Variants in IFTAP observed in about 807,000 individuals in gnomAD.
IFTAP encodes the protein intraflagellar transport-associated protein.
A neutral mutation model predicts 19.4 loss-of-function variants in IFTAP; 19 were observed. The observed-to-expected ratio is 0.98, with a 90% CI of 0.68 to 1.44. The LOEUF is 1.44. Among genes scored for constraint, IFTAP ranks in the 40% most tolerant of loss-of-function variants. IFTAP has a pLI of 0.00. For synonymous variants in IFTAP, 85 were observed against 83.5 expected, an observed-to-expected ratio of 1.02 and a Z score of -0.10; for missense variants, 240 against 253.6, an observed-to-expected ratio of 0.95 and a Z score of 0.36.
At chr11:36,644,877 A>C (rs998317570) in intron 4 of IFTAP, among the ~76,000 whole-genome samples, 1 of 150,926 alleles carries the variant, frequency 6.6e-6, no homozygotes, top group Non-Finnish European at 1.5e-5. Flanking sequence ...GAGGGATAGC[A>C]TTAGGAGATA....
chr11:36,625,662 T>C (rs1390074154), intron 2 of IFTAP, among the ~76,000 whole-genome samples: 1 of 152,204 alleles, frequency 6.6e-6, no homozygotes, highest in Admixed American at 6.5e-5. Context: ...GTGCTAAATG[T>C]TACTCACAGA....
At chr11:36,636,029 T>A in intron 3 of IFTAP, 22 bp from the exon 4 acceptor site, 1 of 1,544,410 alleles carries the variant, frequency 6.5e-7, no homozygotes, top group Non-Finnish European at 8.9e-7. Context: ...TGCTTAAAAA[T>A]TATGTTAATT....
intron 4 of IFTAP, among the ~76,000 whole-genome samples, chr11:36,644,676 A>T (rs1448047485): frequency 6.6e-6 from 1 of 152,142 alleles, no homozygotes; most frequent in Non-Finnish European, 1.5e-5. Context: ...GCCATAAAAA[A>T]GGATGAGTTC....
intron 4 of IFTAP, among the ~76,000 whole-genome samples, chr11:36,643,449 A>G (rs886912395): frequency 1.3e-5 from 2 of 152,224 alleles, no homozygotes; most frequent in African/African-American, 4.8e-5. Context: ...ATTCAATGCC[A>G]TCCCCATCAA....
intron 1 of IFTAP, among the ~76,000 whole-genome samples, chr11:36,608,624 CT>C (rs112438662): frequency 0.012 from 1,829 of 152,274 alleles, 32 homozygotes; most frequent in African/African-American, 0.041. Context: ...TGTGTCTTAG[CT>C]GACAGGTGTT....
chr11:36,643,707 A>G (rs1394405684), intron 4 of IFTAP, among the ~76,000 whole-genome samples: 2 of 152,210 alleles, frequency 1.3e-5, no homozygotes, highest in Admixed American at 6.5e-5. Context: ...ATCTACAACC[A>G]TCTGATCTTT....
Position 36,610,237 on chromosome 11 carries a change from A to G in IFTAP, c.134A>G (p.Gln45Arg). The G allele has an allele frequency of 1.2e-6, 2 of 1,604,042 alleles. No individual in the cohort carries two copies. Among genetic ancestry groups the G allele is most frequent in the Non-Finnish European group, 1.7e-6 (2 of 1,173,316 alleles). The change falls in exon 2 of 6, where the codon CAA becomes CGA. Residue 45 changes from glutamine (Q) to arginine (R), a missense_variant and splice_region_variant. Gln to Arg is a conservative substitution (Grantham distance 43, BLOSUM62 1). Transcript: ENST00000334307. ...CTGAACACTTTTACTCATCTTTCAC[A>G]AGGTAAAATGGAGAAGTAAACTTTC... ...EFLNTFTHLS[Q>R]EDHVSKRGVF...
At chr11:36,628,309 A>G (rs561906562) in intron 2 of IFTAP, among the ~76,000 whole-genome samples, 2 of 151,352 alleles carry the variant, frequency 1.3e-5, no homozygotes, top group South Asian at 2.1e-4. Context: ...GGCTTTGCTC[A>G]TGGAATTTTC....
intron 1 of IFTAP, among the ~76,000 whole-genome samples, chr11:36,596,444 AG>A (rs1851260114): frequency 6.6e-6 from 1 of 152,178 alleles, no homozygotes; most frequent in Non-Finnish European, 1.5e-5. Flanking sequence ...TTGTATATTC[AG>A]CAAACTGCCC....
Position 36,610,231 on chromosome 11 carries a change from T to G in IFTAP, c.128T>G (p.Leu43Arg). Residue 43 changes from leucine (L) to arginine (R), a missense_variant, in exon 2 of 6, where the codon CTT (leucine) becomes CGT (arginine). Leu to Arg is a moderately radical substitution (Grantham distance 102). Transcript: ENST00000334307. The stretch of plus-strand genomic sequence containing the variant: ...GAATTTCTGAACACTTTTACTCATC[T>G]TTCACAAGGTAAAATGGAGAAGTAA... ...DEEFLNTFTH[L>R]SQEDHVSKRG... The G allele has an allele frequency of 6.2e-7, 1 of 1,605,438 alleles. No homozygotes were observed. Among genetic ancestry groups the G allele is most frequent in the Non-Finnish European group, 8.5e-7 (1 of 1,173,872 alleles).
At chr11:36,610,060 T>C (rs773782641) in intron 1 of IFTAP, 21 bp from the exon 2 acceptor site, 19 of 1,601,620 alleles carry the variant, frequency 1.2e-5, no homozygotes, top group Non-Finnish European at 1.6e-5. Flanking sequence ...TCTCTCTAGC[T>C]GGTATTTTTC....
chr11:36,626,646 C>A (rs1347504628), intron 2 of IFTAP, among the ~76,000 whole-genome samples: 3 of 151,192 alleles, frequency 2.0e-5, no homozygotes, highest in Admixed American at 6.6e-5. Flanking sequence ...AAGCAATGAA[C>A]AATTTAGGAA....
intron 1 of IFTAP, among the ~76,000 whole-genome samples, chr11:36,605,568 G>C (rs1211999879): frequency 6.6e-6 from 1 of 152,154 alleles, no homozygotes; most frequent in Non-Finnish European, 1.5e-5. Context: ...TTCATTATTT[G>C]ATAGCAGAAA....
intron 1 of IFTAP, among the ~76,000 whole-genome samples, chr11:36,606,945 C>G (rs1314453811): frequency 6.6e-6 from 1 of 152,200 alleles, no homozygotes; most frequent in East Asian, 1.9e-4. Flanking sequence ...CTTTGCATTG[C>G]TAAAGCCTGG....
At chr11:36,606,304 C>A (rs906009757) in intron 1 of IFTAP, among the ~76,000 whole-genome samples, 3 of 151,094 alleles carry the variant, frequency 2.0e-5, no homozygotes, top group African/African-American at 7.3e-5. Flanking sequence ...ACTAAAAATA[C>A]AAAAAAAAAT....
intron 4 of IFTAP, among the ~76,000 whole-genome samples, chr11:36,638,156 C>CCT (rs199888923): frequency 6.6e-6 from 1 of 151,828 alleles, no homozygotes; most frequent in Non-Finnish European, 1.5e-5. Context: ...CCCCACCGCC[C>CCT]GCCCGAGTGC....
chr11:36,637,857 C>T (rs1033370843), intron 4 of IFTAP, among the ~76,000 whole-genome samples: 6 of 151,622 alleles, frequency 4.0e-5, no homozygotes, highest in Admixed American at 3.3e-4. Flanking sequence ...CCAACATAGC[C>T]AACAGATCTG....
At chr11:36,614,951 T>G (rs1424751062) in intron 2 of IFTAP, among the ~76,000 whole-genome samples, 10 of 145,372 alleles carry the variant, frequency 6.9e-5, no homozygotes, top group African/African-American at 2.4e-4. Flanking sequence ...ATTTTGTCTT[T>G]TGTTGCCATT....
At chr11:36,599,704 C>T (rs1029933929) in intron 1 of IFTAP, among the ~76,000 whole-genome samples, 7 of 151,902 alleles carry the variant, frequency 4.6e-5, no homozygotes, top group Admixed American at 6.6e-5. Flanking sequence ...TTTGAAATGT[C>T]GATCCATCCT....
Sources: gnomAD v4.1 joint callset for allele counts (sites outside exome capture counted in the v4.1 genomes callset) on GRCh38, gnomAD v4.1.1 for gene constraint, MANE v1.5 for transcripts, NCBI Gene and HGNC (gene_info 2026-07-23, HGNC 2026-07-21) for gene names.